Variants in NEB observed in about 807,000 individuals in gnomAD.
NEB encodes the protein nemaline myopathy type 2.
Under a neutral mutation model 952.2 loss-of-function variants are expected in NEB, and 512 were observed. The observed-to-expected ratio is 0.54, with a 90% confidence interval of 0.50 to 0.58. NEB has a LOEUF of 0.58. Among genes scored for constraint, NEB ranks in the 20% least tolerant of loss-of-function variants. The probability of loss-of-function intolerance (pLI) is 0.00; values close to 1 mark genes in which losing one functional copy is unlikely to be tolerated. For synonymous variants in NEB, 2,900 were observed against 3,149.8 expected (o/e 0.92, Z 2.66); for missense variants, 8,428 against 9,231.1 (o/e 0.91, Z 3.56).
At chr2:151,505,146 T>C (rs546113087) in intron 165 of NEB, among the ~76,000 whole-genome samples, 1 of 152,344 alleles carries the variant, frequency 6.6e-6, no homozygotes, top group East Asian at 1.9e-4. Context: ...TTAAATTACT[T>C]GAGATCATCC....
At chr2:151,497,151 G>GA (rs2060775927) in intron 171 of NEB, 118 bp from the exon 172 acceptor site, 1 of 1,346,772 alleles carries the variant, frequency 7.4e-7, no homozygotes, top group African/African-American at 1.5e-5. Flanking sequence ...CAAGGAGCCA[G>GA]AAGTTATATG....
At chr2:151,712,169 C>A (rs547889316) in intron 10 of NEB, among the ~76,000 whole-genome samples, 5 of 152,170 alleles carry the variant, frequency 3.3e-5, no homozygotes, top group South Asian at 2.1e-4. Flanking sequence ...AGAGACATGG[C>A]CCTACCTCTT....
At chr2:151,573,840 T>C (rs1257627288) in intron 107 of NEB, among the ~76,000 whole-genome samples, 1 of 152,222 alleles carries the variant, frequency 6.6e-6, no homozygotes, top group African/African-American at 2.4e-5. Flanking sequence ...AACTGGATTA[T>C]CTTGTACTCA....
intron 117 of NEB, 141 bp from the exon 118 acceptor site, chr2:151,564,071 C>G: frequency 3.5e-6 from 2 of 566,682 alleles, no homozygotes; most frequent in Non-Finnish European, 6.3e-6. Context: ...AGTGCATCTA[C>G]CTAGAATAGG....
chr2:151,539,970 A>T (rs1002742132), intron 138 of NEB, among the ~76,000 whole-genome samples: 4 of 152,198 alleles, frequency 2.6e-5, no homozygotes, highest in Non-Finnish European at 5.9e-5. Context: ...AATTAGACAG[A>T]TGATATAGAG....
chr2:151,553,574 T>A, intron 126 of NEB, 72 bp from the exon 127 acceptor site: 1 of 1,109,748 alleles, frequency 9.0e-7, no homozygotes. Context: ...AAAACAGAGG[T>A]ACATTCTAGA....
Position 151,563,876 on chromosome 2 carries a change from C to T in NEB, c.18526G>A (p.Glu6176Lys). 2 of 1,612,866 alleles carry T rather than the reference C, an allele frequency of 1.2e-6. No homozygotes were observed. The highest frequency in any genetic ancestry group is 1.7e-6 in the Non-Finnish European group (2 of 1,179,424). ...GTKAYGYTLD[E>K]RYIPIVGAKH... ...GCTCCAACAATGGGAATGTAGCGCT[C>T]ATCCAGGGTGTAGCCATAGGCCTTG... The change falls in exon 118 of 182, where the codon GAG (glutamate) becomes AAG (lysine). Residue 6176 changes from glutamate to lysine, a missense_variant. By Grantham distance (56) the Glu-to-Lys change is moderately conservative (BLOSUM62 1). Transcript: ENST00000397345.
chr2:151,497,633 A>ATAT lies in NEB; in HGVS notation c.24290_24292dup (p.Asn8097dup). Reference sequence around the variant, plus strand: ...CTTTTCTTGCCAAAGTACCGAGCTAATATTTTCTTGATTGTGTTTGACTCT... The same window carrying ATAT: ...CTTTTCTTGCCAAAGTACCGAGCTAATATTATTTTCTTGATTGTGTTTGACTCT... On this transcript the variant is annotated inframe_insertion, in exon 171 of 182. Coordinates refer to ENST00000397345, the MANE Select transcript of NEB (RefSeq NM_001164508.2). 1 of 1,574,438 alleles carries ATAT rather than the reference A, an allele frequency of 6.4e-7. No individual in the cohort carries two copies. Among genetic ancestry groups the ATAT allele is most frequent in the Non-Finnish European group, 8.6e-7 (1 of 1,157,374 alleles).
rs572452659 is a variant in NEB at position 151,663,489 on chromosome 2, G to C, written c.5763+59C>G. 3.4e-6 allele frequency: 5 copies of C among 1,465,346 alleles called. No homozygotes were observed. The East Asian group carries it at 1.1e-4, about 34-fold the overall frequency. The allele number at this position is 1,465,346 out of a possible 1,614,324, so 90.8% of individuals were successfully genotyped here. A position where few individuals can be genotyped will look rare whatever the true frequency, so the allele number is the denominator to read the frequency against. On this transcript the variant is annotated intron_variant, in intron 45 of 181. Transcript: ENST00000397345. The stretch of plus-strand genomic sequence containing the variant: ...GATTTTCAAAACGTCATTGCTTATG[G>C]TCACTCATGGTTGCTTATTATCCAG...
intron 45 of NEB, 97 bp downstream of exon 45, chr2:151,663,451 G>T: frequency 8.2e-7 from 1 of 1,222,526 alleles, no homozygotes; most frequent in Non-Finnish European, 1.1e-6. Flanking sequence ...AATTGCAGAT[G>T]AATTTCTTTC....
chr2:151,671,936 C>T (rs1370224487), intron 37 of NEB, among the ~76,000 whole-genome samples: 2 of 151,570 alleles, frequency 1.3e-5, no homozygotes, highest in South Asian at 4.1e-4. Context: ...TTTTAGATGA[C>T]TCATTACAGA....
intron 161 of NEB, 33 bp downstream of exon 161, chr2:151,512,700 G>A (rs755241089): frequency 4.9e-6 from 7 of 1,429,978 alleles, no homozygotes; most frequent in African/African-American, 1.4e-5. Flanking sequence ...CATGATTGGG[G>A]TTTATGAGTG....
rs375167899 is a variant in NEB at position 151,565,711 on chromosome 2, C to T, written c.18261+5G>A. On this transcript the variant is annotated splice_donor_5th_base_variant and intron_variant, in intron 115 of 181. Coordinates refer to ENST00000397345, the MANE Select transcript of NEB (RefSeq NM_001164508.2). Reference sequence around the variant, plus strand: ...TAGGTTAGAAGGAGAATAGGCTTTGCGTACCTGACTCATCATTTCCTGGTT... The same window carrying T: ...TAGGTTAGAAGGAGAATAGGCTTTGTGTACCTGACTCATCATTTCCTGGTT... 5.0e-6 allele frequency: 8 copies of T among 1,608,824 alleles called. No homozygotes were observed. The African/African-American group carries it at 6.7e-5, about 13-fold the overall frequency.
chr2:151,720,645 G>C (rs2099771642), intron 9 of NEB, among the ~76,000 whole-genome samples: 1 of 152,172 alleles, frequency 6.6e-6, no homozygotes, highest in Admixed American at 6.5e-5. Context: ...CCATTTGATA[G>C]ATGAAGGGAG....
Position 151,533,471 on chromosome 2 carries a change from C to T in NEB, c.21388G>A (p.Ala7130Thr). ...CTCCACATATGCGAATTGTAGAGAG[C>T]AGTCAACATATCTGGACGCAGAATT... ...NEILRPDMLT[A>T]LYNSHMWSQI... Residue 7130 changes from alanine (A) to threonine (T), a missense_variant, in exon 143 of 182, where the codon GCT (alanine) becomes ACT (threonine). Transcript: ENST00000397345. 6.4e-7 allele frequency: 1 copy of T among 1,551,358 alleles called. No individual in the cohort carries two copies. Among genetic ancestry groups the T allele is most frequent in the Non-Finnish European group, 8.7e-7 (1 of 1,146,620 alleles).
At chr2:151,615,931 G>T in intron 76 of NEB, 71 bp downstream of exon 76, 1 of 1,201,710 alleles carries the variant, frequency 8.3e-7, no homozygotes, top group Non-Finnish European at 1.2e-6. Context: ...TTTCTAGCAA[G>T]AAAAACTCTA....
chr2:151,636,269 G>T lies in NEB; in HGVS notation c.9060C>A (p.Ile3020=). Residue 3020 remains isoleucine, a synonymous_variant, in exon 64 of 182, where the codon ATC becomes ATA. Transcript: ENST00000397345. Reference sequence around the variant, plus strand: ...TGGAGGCCTTGGCCGCCACGATGGGGATGGCGTCGCTTCGCAAGTCATAGC... The same window carrying T: ...TGGAGGCCTTGGCCGCCACGATGGGTATGGCGTCGCTTCGCAAGTCATAGC... ...KKGYDLRSDA[I]PIVAAKASRD... is the part of the protein sequence containing the mutation. The T allele has an allele frequency of 6.2e-7, 1 of 1,610,394 alleles. No individual in the cohort carries two copies. Among genetic ancestry groups the T allele is most frequent in the Non-Finnish European group, 8.5e-7 (1 of 1,179,770 alleles).
chr2:151,715,591 T>C (rs2099756915), intron 10 of NEB, among the ~76,000 whole-genome samples: 1 of 152,252 alleles, frequency 6.6e-6, no homozygotes, highest in African/African-American at 2.4e-5. Context: ...GCTGGCTCTC[T>C]GTCTCCAATG....
intron 29 of NEB, among the ~76,000 whole-genome samples, chr2:151,681,753 A>G (rs2099415537): frequency 6.6e-6 from 1 of 152,170 alleles, no homozygotes; most frequent in African/African-American, 2.4e-5. Flanking sequence ...GGAGGGACAG[A>G]TAATCTTGCT....
Sources: gnomAD v4.1 joint callset for allele counts (sites outside exome capture counted in the v4.1 genomes callset) on GRCh38, gnomAD v4.1.1 for gene constraint, MANE v1.5 for transcripts, NCBI Gene and HGNC (gene_info 2026-07-23, HGNC 2026-07-21) for gene names.